VSIG8: variants seen among roughly 807,000 people sequenced by gnomAD.
VSIG8 encodes the protein V-set and immunoglobulin domain containing 8, also known as V-set and immunoglobulin domain-containing protein 8.
A neutral mutation model predicts 42.6 loss-of-function variants in VSIG8; 32 were observed. The ratio of observed to expected loss-of-function variants is 0.75; its 90% CI spans 0.57 to 1.01. The LOEUF is 1.01. Ranked by LOEUF, VSIG8 falls within the 50% of genes least tolerant of loss-of-function variation. VSIG8 has a pLI of 0.00. For synonymous variants in VSIG8, 290 were observed against 243.8 expected, an observed-to-expected ratio of 1.19 and a Z score of -1.77; for missense variants, 529 against 558.0, an observed-to-expected ratio of 0.95 and a Z score of 0.52.
chr1:159,856,309 C>A (rs1049753257), intron 5 of VSIG8, among the ~76,000 whole-genome samples: 1 of 152,134 alleles, frequency 6.6e-6, no homozygotes, highest in African/African-American at 2.4e-5. Flanking sequence ...CTCTAGAGCT[C>A]AGAGTGGAAG....
At position 159,854,812 on chromosome 1, in the gene VSIG8, C is replaced by T. The variant is rs1422867851; in HGVS notation, c.1186G>A (p.Ala396Thr). The change falls in exon 7 of 7, where the codon GCG (alanine) becomes ACG (threonine). Residue 396 changes from alanine (A) to threonine (T), a missense_variant. By Grantham distance (58) the Ala-to-Thr change is moderately conservative. Coordinates refer to ENST00000368100, the MANE Select transcript of VSIG8 (RefSeq NM_001013661.1). Reference sequence around the variant, plus strand: ...CCCTCGGCGCAGTCAGCCGGCTCCGCGCTCTTGACCTTGACGTAGACCGGG... The same window carrying T: ...CCCTCGGCGCAGTCAGCCGGCTCCGTGCTCTTGACCTTGACGTAGACCGGG... The part of the protein sequence containing the change: ...PSPVYVKVKS[A>T]EPADCAEGPV... The T allele has an allele frequency of 3.3e-6, 5 of 1,503,134 alleles. No individual in the cohort carries two copies. In the East Asian group the frequency reaches 1.1e-4, roughly 33 times the overall value. The allele number at this position is 1,503,134 out of a possible 1,614,324, so 93.1% of individuals were successfully genotyped here.
At chr1:159,861,577 T>A (rs568664469) in intron 1 of VSIG8, 1 of 152,130 alleles carries the variant, frequency 6.6e-6, no homozygotes, top group Non-Finnish European at 1.5e-5. Flanking sequence ...ATCATTCCCA[T>A]GCAGGTGCAC....
chr1:159,862,541 C>G lies in VSIG8; in HGVS notation c.-20G>C. 6.2e-7 allele frequency: 1 copy of G among 1,611,498 alleles called. No individual in the cohort carries two copies. The highest frequency in any genetic ancestry group is 8.5e-7 in the Non-Finnish European group (1 of 1,178,384). On this transcript the variant is annotated 5_prime_UTR_variant, in exon 1 of 7. Coordinates refer to ENST00000368100, the MANE Select transcript of VSIG8 (RefSeq NM_001013661.1). ...TCTCATGTCTCTAGGCTCGGTGTTT[C>G]CTCCGTCTGGGCTGGGTATCCCGTG... is the stretch of plus-strand genomic sequence containing the variant.
intron 1 of VSIG8, among the ~76,000 whole-genome samples, chr1:159,860,334 A>G (rs1571169718): frequency 6.6e-6 from 1 of 152,232 alleles, no homozygotes; most frequent in Non-Finnish European, 1.5e-5. Flanking sequence ...AGACACAGAC[A>G]CAATCTGCAC....
intron 3 of VSIG8, 43 bp downstream of exon 3, chr1:159,858,047 T>C: frequency 6.2e-6 from 10 of 1,613,530 alleles, no homozygotes; most frequent in Non-Finnish European, 7.6e-6. Context: ...TGCCCTTGGC[T>C]CTTAAGCCAG....
rs1347948925 is a variant in VSIG8 at position 159,855,936 on chromosome 1, G to A, written c.918C>T (p.Gly306=). The change falls in exon 6 of 7, where the codon GGC becomes GGT. Residue 306 remains glycine, a synonymous_variant. Coordinates refer to ENST00000368100, the MANE Select transcript of VSIG8 (RefSeq NM_001013661.1). ...AGGARGAFGY[G]NGGGVGGGAC... ...CCCCTCCGCCGACCCCGCCGCCGTTGCCGTAGCCGAAGGCACCGCGGGCGC... is the reference window on the plus strand; with the variant it reads ...CCCCTCCGCCGACCCCGCCGCCGTTACCGTAGCCGAAGGCACCGCGGGCGC... 6.4e-7 allele frequency: 1 copy of A among 1,571,614 alleles called. No homozygotes were observed. Among genetic ancestry groups the A allele is most frequent in the Non-Finnish European group, 8.6e-7 (1 of 1,159,304 alleles).
At position 159,857,888 on chromosome 1, in the gene VSIG8, C is replaced by G. The variant is rs377592150; in HGVS notation, c.509G>C (p.Ser170Thr). ...GNDVVLKCYASGGSQPLSYKW... is the reference protein window; with the variant it reads ...GNDVVLKCYATGGSQPLSYKW... ...GTAGGAGAGGGGCTGGGAGCCCCCA[C>G]TGGCATAGCACTTCAGCACCACATC... The change falls in exon 4 of 7, where the codon AGT becomes ACT. Residue 170 changes from serine (S) to threonine (T), a missense_variant. By Grantham distance (58) the Ser-to-Thr change is moderately conservative. Transcript: ENST00000368100. 1 of 1,614,258 alleles carries G rather than the reference C, an allele frequency of 6.2e-7. No individual in the cohort carries two copies. The highest frequency in any genetic ancestry group is 1.7e-5 in the Admixed American group (1 of 60,036).
chr1:159,859,293 G>A (rs1399602202), intron 1 of VSIG8, among the ~76,000 whole-genome samples: 2 of 152,190 alleles, frequency 1.3e-5, no homozygotes, highest in African/African-American at 2.4e-5. Context: ...TTATATGATA[G>A]TGTGGATGTG....
intron 1 of VSIG8, 60 bp downstream of exon 1, chr1:159,862,413 G>C: frequency 6.5e-7 from 1 of 1,541,308 alleles, no homozygotes; most frequent in Non-Finnish European, 8.8e-7. Context: ...AGCCCTTGCT[G>C]CCCCTTTCCT....
chr1:159,854,795 G>A lies in VSIG8; in HGVS notation c.1203C>T (p.Cys401=). 1 of 1,503,758 alleles carries A rather than the reference G, an allele frequency of 6.7e-7. No homozygotes were observed. Among genetic ancestry groups the A allele is most frequent in the African/African-American group, 1.5e-5 (1 of 68,834 alleles). The allele number at this position is 1,503,758 out of a possible 1,614,324, so 93.2% of individuals were successfully genotyped here. ...VKVKSAEPAD[C]AEGPVQCKNG... ...TCTTGCACTGCACCGGCCCCTCGGCGCAGTCAGCCGGCTCCGCGCTCTTGA... is the reference window on the plus strand; with the variant it reads ...TCTTGCACTGCACCGGCCCCTCGGCACAGTCAGCCGGCTCCGCGCTCTTGA... The change falls in exon 7 of 7, where the codon TGC becomes TGT. Residue 401 remains cysteine (C), a synonymous_variant. Transcript: ENST00000368100.
chr1:159,855,556 T>G, intron 6 of VSIG8: 1 of 985,376 alleles, frequency 1.0e-6, no homozygotes, highest in Non-Finnish European at 1.2e-6. Flanking sequence ...TAAATAATAA[T>G]GTCAGAGTTC....
chr1:159,860,387 T>C (rs1447978231), intron 1 of VSIG8, among the ~76,000 whole-genome samples: 1 of 152,218 alleles, frequency 6.6e-6, no homozygotes, highest in Non-Finnish European at 1.5e-5. Context: ...ACCCACCGTG[T>C]GTTCATATAG....
At position 159,857,768 on chromosome 1, in the gene VSIG8, G is replaced by A. The variant is rs541229576; in HGVS notation, c.629C>T (p.Ser210Phe). The change falls in exon 4 of 7, where the codon TCC becomes TTC. Residue 210 changes from serine to phenylalanine, a missense_variant. Physicochemically the swap from Ser to Phe is radical, Grantham distance 155. Coordinates refer to ENST00000368100, the MANE Select transcript of VSIG8 (RefSeq NM_001013661.1). ...ACCTTGGTTTATGGAGCTGTGGAAG[G>A]ACTCCTGGTAGGACAGCTCTGAGTG... ...SYHSELSYQESFHSSINQGLN... is the reference protein window; with the variant it reads ...SYHSELSYQEFFHSSINQGLN... 1.2e-6 allele frequency: 2 copies of A among 1,614,122 alleles called. No individual in the cohort carries two copies. The highest frequency in any genetic ancestry group is 2.2e-5 in the East Asian group (1 of 44,876).
intron 1 of VSIG8, chr1:159,862,126 C>T (rs1649042880): frequency 3.4e-6 from 1 of 292,668 alleles, no homozygotes. Context: ...CCCGTGCTTA[C>T]CCCTCTCCTA....
chr1:159,859,195 C>T (rs978599851), intron 1 of VSIG8, among the ~76,000 whole-genome samples: 2 of 152,100 alleles, frequency 1.3e-5, no homozygotes, highest in Non-Finnish European at 2.9e-5. Context: ...CACGTATGTA[C>T]ATTGTATGCT....
chr1:159,862,415 C>G (rs1649051983), intron 1 of VSIG8, 58 bp downstream of exon 1: 1 of 1,546,176 alleles, frequency 6.5e-7, no homozygotes, highest in African/African-American at 1.4e-5. Context: ...CCCTTGCTGC[C>G]CCTTTCCTTC....
chr1:159,855,697 G>A, intron 6 of VSIG8, 186 bp downstream of exon 6: 1 of 942,240 alleles, frequency 1.1e-6, no homozygotes, highest in South Asian at 4.9e-5. Flanking sequence ...TGAAGACTGG[G>A]GTGGCAGGGG....
In VSIG8 at chr1:159,854,557, C is replaced by T; in HGVS notation, c.*196G>A. 1 of 1,121,148 alleles carries T rather than the reference C, an allele frequency of 8.9e-7. No homozygotes were observed. 69.4% of individuals were successfully genotyped at this position (1,121,148 alleles called of 1,614,324 possible). On this transcript the variant is annotated 3_prime_UTR_variant, in exon 7 of 7. Coordinates refer to ENST00000368100, the MANE Select transcript of VSIG8 (RefSeq NM_001013661.1). ...AGGCTCAGGATCGCCTTCCTCCGCC[C>T]TCGCCCGCCCCTTCCCACTTTTGGG...
chr1:159,856,662 G>A lies in VSIG8; in HGVS notation c.653-19C>T, dbSNP rs1648839665. On this transcript the variant is annotated intron_variant, in intron 4 of 6. Coordinates refer to ENST00000368100, the MANE Select transcript of VSIG8 (RefSeq NM_001013661.1). ...TTCAGGCCTGAAAGTGAAGTGGAGA[G>A]AGGCCTGGTCTCTGAGAGCTCCCAC... 18 of 1,612,656 alleles carry A rather than the reference G, an allele frequency of 1.1e-5. No homozygotes were observed. In the East Asian group the frequency reaches 3.6e-4, roughly 32 times the overall value.
Sources: allele counts gnomAD v4.1 joint callset (sites outside exome capture counted in the v4.1 genomes callset), GRCh38; gene constraint gnomAD v4.1.1; transcripts MANE v1.5; gene names NCBI Gene and HGNC (gene_info 2026-07-23, HGNC 2026-07-21).